Variants in C6orf89 observed in about 807,000 individuals in gnomAD.
C6orf89 encodes the protein bombesin receptor-activated protein C6orf89.
A neutral mutation model predicts 40.7 loss-of-function variants in C6orf89; 29 were observed. That is an observed-to-expected ratio of 0.71 (90% CI 0.53 to 0.97). The LOEUF (loss-of-function observed/expected upper bound fraction) is 0.97. Among genes scored for constraint, C6orf89 ranks in the 50% least tolerant of loss-of-function variants. C6orf89 has a pLI of 0.00. For missense variants in C6orf89, 392 were observed against 429.1 expected (o/e 0.91, Z 0.76); for synonymous variants, 165 against 152.2 (o/e 1.08, Z -0.62).
rs1252701127 is a variant in C6orf89, at chr6:36,923,408, C to A, written c.1011C>A (p.Val337=). ...YVIARGVQPL[V]ICDGTAFSEL ...TAGCCAGAGGGGTCCAGCCTTTGGT[C>A]ATCTGCGATGGAACCGCTTTCTCAG... Residue 337 remains valine, a synonymous_variant, in exon 9 of 9, where the codon GTC becomes GTA. Transcript: ENST00000480824. 1 of 1,613,994 alleles carries A rather than the reference C, an allele frequency of 6.2e-7. No homozygotes were observed. The highest frequency in any genetic ancestry group is 1.3e-5 in the African/African-American group (1 of 74,934).
At chr6:36,887,640 T>A (rs116533048) in intron 1 of C6orf89, among the ~76,000 whole-genome samples, 2 of 152,162 alleles carry the variant, frequency 1.3e-5, no homozygotes, top group Non-Finnish European at 2.9e-5. Context: ...CAGTGTAGAA[T>A]GTGAAGAAGG....
At chr6:36,907,275 C>CTTTTG (rs58524464) in intron 4 of C6orf89, among the ~76,000 whole-genome samples, 7,593 of 151,152 alleles carry the variant, frequency 0.05, 285 homozygotes, top group African/African-American at 0.1. Context: ...GGAAAGAAAT[C>CTTTTG]TTTTGTTTTG....
intron 1 of C6orf89, among the ~76,000 whole-genome samples, chr6:36,893,906 T>C (rs1761318676): frequency 6.6e-6 from 1 of 151,680 alleles, no homozygotes; most frequent in African/African-American, 2.4e-5. Context: ...AGCCTGTAAT[T>C]CCAGCTGCTC....
intron 1 of C6orf89, among the ~76,000 whole-genome samples, chr6:36,886,850 T>C (rs1373917315): frequency 6.6e-6 from 1 of 152,222 alleles, no homozygotes; most frequent in East Asian, 1.9e-4. Context: ...CTCTAGGGAA[T>C]AACATGCCTT....
At chr6:36,888,624 C>T (rs961982412) in intron 1 of C6orf89, among the ~76,000 whole-genome samples, 10 of 152,094 alleles carry the variant, frequency 6.6e-5, no homozygotes, top group Admixed American at 6.5e-4. Context: ...AAGAGTGAGA[C>T]CCTGTCTCAG....
Position 36,921,337 on chromosome 6 carries a change from A to G in C6orf89, c.949+1636A>G, listed in dbSNP as rs1406673399. On this transcript the variant is annotated intron_variant, in intron 8 of 8. Coordinates refer to ENST00000480824, the MANE Select transcript of C6orf89 (RefSeq NM_001286635.2). The stretch of plus-strand genomic sequence containing the variant: ...GACAGGAAAGCAGACCCTGACCAAG[A>G]AGAATCATTCAGTGTTACAGGACAG... Among the ~76,000 whole-genome samples the G allele has an allele frequency of 2.2e-4, 34 of 152,180 alleles. 2 individuals are homozygous for G. The highest frequency in any genetic ancestry group is 2.2e-3 in the Admixed American group (34 of 15,286).
chr6:36,922,831 G>T (rs1379123478), intron 8 of C6orf89, among the ~76,000 whole-genome samples: 1 of 152,180 alleles, frequency 6.6e-6, no homozygotes, highest in East Asian at 1.9e-4. Context: ...TAGGTCTTGT[G>T]TCCCCTCGGA....
intron 1 of C6orf89, among the ~76,000 whole-genome samples, chr6:36,889,208 T>C (rs1005876099): frequency 9.8e-5 from 15 of 152,298 alleles, no homozygotes; most frequent in Admixed American, 8.5e-4. Context: ...CAACAGCAGC[T>C]GCTGCAGAGA....
chr6:36,877,554 C>CATT (rs1001186759), intron 1 of C6orf89, among the ~76,000 whole-genome samples: 6 of 152,308 alleles, frequency 3.9e-5, no homozygotes, highest in South Asian at 4.1e-4. Flanking sequence ...TGGTCTCAAT[C>CATT]TCTTGACCTT....
intron 1 of C6orf89, among the ~76,000 whole-genome samples, chr6:36,893,743 C>G (rs1761312693): frequency 6.6e-6 from 1 of 152,044 alleles, no homozygotes; most frequent in African/African-American, 2.4e-5. Flanking sequence ...CCAGCCTAGC[C>G]AATATGGTGA....
intron 3 of C6orf89, 137 bp downstream of exon 3, chr6:36,899,770 C>A: frequency 1.3e-6 from 1 of 759,074 alleles, no homozygotes; most frequent in South Asian, 1.8e-5. Flanking sequence ...CTCTTGTTAC[C>A]ATGTGTTACT....
intron 1 of C6orf89, among the ~76,000 whole-genome samples, chr6:36,876,292 C>T (rs1415604626): frequency 5.9e-5 from 9 of 152,152 alleles, no homozygotes; most frequent in Non-Finnish European, 8.8e-5. Context: ...TTTACTGCAG[C>T]TCCTACCAGT....
intron 6 of C6orf89, among the ~76,000 whole-genome samples, chr6:36,916,113 C>G (rs1019555688): frequency 2.6e-5 from 4 of 152,098 alleles, no homozygotes; most frequent in African/African-American, 9.7e-5. Flanking sequence ...CTCCCCTTCC[C>G]CCGCCTGGCC....
chr6:36,878,591 A>T (rs1280496009), intron 1 of C6orf89, among the ~76,000 whole-genome samples: 1 of 152,250 alleles, frequency 6.6e-6, no homozygotes, highest in Non-Finnish European at 1.5e-5. Context: ...AAGCAAACTA[A>T]ATATGGCCTG....
At chr6:36,912,549 A>G (rs1353459012) in intron 4 of C6orf89, among the ~76,000 whole-genome samples, 1 of 152,184 alleles carries the variant, frequency 6.6e-6, no homozygotes, top group Non-Finnish European at 1.5e-5. Context: ...ATTGGAGAAG[A>G]AAAAATGCAA....
chr6:36,884,931 A>C (rs1774922353), upstream of C6orf89, among the ~76,000 whole-genome samples: 1 of 152,224 alleles, frequency 6.6e-6, no homozygotes, highest in African/African-American at 2.4e-5. This position sits in a 1 kb window ranked among gnomAD's most constrained non-coding sequence, Gnocchi z 4.0. Context: ...CTCTTCCTGC[A>C]AAACCCACTG....
intron 4 of C6orf89, 109 bp from the exon 5 acceptor site, chr6:36,914,175 A>G: frequency 9.5e-7 from 1 of 1,057,526 alleles, no homozygotes; most frequent in African/African-American, 1.6e-5. Context: ...AAATAAATAA[A>G]TAAAAGTCAT....
chr6:36,885,940 G>A (rs569050634), upstream of C6orf89: 2 of 1,218,382 alleles, frequency 1.6e-6, no homozygotes, highest in Non-Finnish European at 2.1e-6. Context: ...TCCGGGTCGC[G>A]CTCCCGGAAA....
chr6:36,910,416 T>G (rs1249047357), intron 4 of C6orf89, among the ~76,000 whole-genome samples: 2 of 152,208 alleles, frequency 1.3e-5, no homozygotes, highest in Non-Finnish European at 2.9e-5. Flanking sequence ...CTTTCCTCAC[T>G]TAATTAAAAA....
Sources: allele counts gnomAD v4.1 joint callset (sites outside exome capture counted in the v4.1 genomes callset), GRCh38; gene constraint gnomAD v4.1.1; non-coding constraint Gnocchi (gnomAD v3.1); transcripts MANE v1.5; gene names NCBI Gene and HGNC (gene_info 2026-07-23, HGNC 2026-07-21).